Variants in LAMA2 observed in about 807,000 individuals in gnomAD.
The protein encoded by LAMA2 is laminin subunit alpha-2.
Under a neutral mutation model 364.8 loss-of-function variants are expected in LAMA2, and 269 were observed. The observed-to-expected ratio is 0.74, with a 90% CI of 0.67 to 0.82. The LOEUF is 0.82. Ranked by LOEUF, LAMA2 falls within the 40% of genes least tolerant of loss-of-function variation. LAMA2 has a pLI of 0.00. For missense variants in LAMA2, 3,807 were observed against 3,873.2 expected, an observed-to-expected ratio of 0.98 and a Z score of 0.45; for synonymous variants, 1,379 against 1,370.6, an observed-to-expected ratio of 1.01 and a Z score of -0.14.
At chr6:129,212,183 A>T (rs865777239) in intron 12 of LAMA2, among the ~76,000 whole-genome samples, 1 of 152,210 alleles carries the variant, frequency 6.6e-6, no homozygotes, top group African/African-American at 2.4e-5. Flanking sequence ...ATTCTTTTCC[A>T]GCCCTCAAAT....
At chr6:128,969,985 T>TA (rs921313125) in intron 1 of LAMA2, among the ~76,000 whole-genome samples, 1 of 152,158 alleles carries the variant, frequency 6.6e-6, no homozygotes, top group African/African-American at 2.4e-5. Flanking sequence ...GAATCTGGGT[T>TA]AAAATCAGTG....
chr6:129,379,503 A>C (rs988015733), intron 34 of LAMA2, among the ~76,000 whole-genome samples: 4 of 152,084 alleles, frequency 2.6e-5, no homozygotes, highest in Non-Finnish European at 5.9e-5. Flanking sequence ...CGGGAACCTC[A>C]CGTCTCCTCC....
intron 12 of LAMA2, among the ~76,000 whole-genome samples, chr6:129,235,868 C>T (rs1369425378): frequency 6.6e-6 from 1 of 152,116 alleles, no homozygotes; most frequent in East Asian, 1.9e-4. Flanking sequence ...ATGAAATGTG[C>T]AGACTCTGCC....
intron 1 of LAMA2, among the ~76,000 whole-genome samples, chr6:128,953,073 T>A (rs1780931459): frequency 6.6e-6 from 1 of 152,138 alleles, no homozygotes; most frequent in South Asian, 2.1e-4. Context: ...TCTGTTGGCC[T>A]TGCATGGGTG....
At chr6:129,312,734 G>A in intron 22 of LAMA2, 127 bp from the exon 23 acceptor site, 1 of 744,898 alleles carries the variant, frequency 1.3e-6, no homozygotes, top group Non-Finnish European at 2.4e-6. Context: ...AACTAGAATA[G>A]TACAAAGCCT....
chr6:128,933,095 A>T (rs13194404), intron 1 of LAMA2, among the ~76,000 whole-genome samples: 1 of 151,892 alleles, frequency 6.6e-6, no homozygotes, highest in Non-Finnish European at 1.5e-5. Context: ...ATCATACTGT[A>T]TTTGTTTTTC....
intron 29 of LAMA2, among the ~76,000 whole-genome samples, chr6:129,332,775 G>GTAAACCT (rs1775728944): frequency 6.6e-6 from 1 of 151,596 alleles, no homozygotes; most frequent in African/African-American, 2.4e-5. Flanking sequence ...GTCATTATTG[G>GTAAACCT]TAAACCTTAA....
intron 51 of LAMA2, among the ~76,000 whole-genome samples, chr6:129,470,878 G>T (rs537465521): frequency 6.6e-6 from 1 of 151,980 alleles, no homozygotes; most frequent in South Asian, 2.1e-4. Context: ...CTTCAGGAGT[G>T]TTCCCCATCT....
At chr6:129,179,019 C>T (rs1327943340) in intron 10 of LAMA2, among the ~76,000 whole-genome samples, 1 of 152,092 alleles carries the variant, frequency 6.6e-6, no homozygotes, top group African/African-American at 2.4e-5. Flanking sequence ...GTTGCCATGT[C>T]CTGGAATGTA....
chr6:128,934,157 A>G (rs912006718), intron 1 of LAMA2, among the ~76,000 whole-genome samples: 7 of 152,178 alleles, frequency 4.6e-5, no homozygotes, highest in Non-Finnish European at 7.3e-5. Flanking sequence ...TTGCATGTGG[A>G]TATCTAGTTT....
chr6:129,329,530 T>G (rs935467536), intron 29 of LAMA2, among the ~76,000 whole-genome samples: 8 of 152,220 alleles, frequency 5.3e-5, no homozygotes, highest in Admixed American at 5.2e-4. Context: ...CCTGGATATT[T>G]TTTTTATTTT....
chr6:129,078,800 C>G (rs1773831917), intron 3 of LAMA2, among the ~76,000 whole-genome samples: 1 of 152,152 alleles, frequency 6.6e-6, no homozygotes, highest in South Asian at 2.1e-4. Context: ...ACTCCCCATT[C>G]TCTCTCCCCC....
intron 1 of LAMA2, among the ~76,000 whole-genome samples, chr6:128,961,317 TG>T (rs1348410759): frequency 2.3e-5 from 1 of 43,388 alleles, no homozygotes; most frequent in African/African-American, 6.6e-5. Context: ...AGAACTAATA[TG>T]ATATATATAT....
chr6:129,062,094 A>T (rs1788961014), intron 3 of LAMA2, among the ~76,000 whole-genome samples: 1 of 152,194 alleles, frequency 6.6e-6, no homozygotes, highest in East Asian at 1.9e-4. Flanking sequence ...TCAGACTTCC[A>T]ATTTGGCCTC....
intron 17 of LAMA2, among the ~76,000 whole-genome samples, chr6:129,277,642 AC>A (rs1430768866): frequency 6.6e-6 from 1 of 152,196 alleles, no homozygotes. Context: ...TAGATCCCAT[AC>A]TAAATTCTCC....
In LAMA2 at chr6:129,205,493, T is replaced by TATATATATAC. The variant is rs1343472728; in HGVS notation, c.1782+12641_1782+12642insTATATATACA. Among the ~76,000 whole-genome samples, 235 of 104,246 alleles carry TATATATATAC rather than the reference T, an allele frequency of 2.3e-3. 2 individuals are homozygous for TATATATATAC. Among genetic ancestry groups the TATATATATAC allele is most frequent in the African/African-American group, 0.012 (226 of 18,192 alleles). 68.4% of individuals were successfully genotyped at this position (104,246 alleles called of 152,430 possible). A position where few individuals can be genotyped will look rare whatever the true frequency, so the allele number is the denominator to read the frequency against. On this transcript the variant is annotated intron_variant, in intron 12 of 64. Transcript: ENST00000421865. The stretch of plus-strand genomic sequence containing the variant: ...TATTCTGTAAGTATATATATATATA[T>TATATATATAC]ACACACACACACACACACACACACA...
chr6:129,495,907 G>A (rs756037260), intron 58 of LAMA2, among the ~76,000 whole-genome samples: 6 of 150,982 alleles, frequency 4.0e-5, no homozygotes, highest in African/African-American at 1.2e-4. Context: ...TAACTTTTCC[G>A]AAAACAGAGC....
rs761708482 is a variant in LAMA2 at position 129,177,727 on chromosome 6, A to G, written c.1328A>G (p.His443Arg). 2.5e-6 allele frequency: 4 copies of G among 1,613,868 alleles called. No individual in the cohort carries two copies. The highest frequency in any genetic ancestry group is 3.4e-6 in the Non-Finnish European group (4 of 1,179,938). ...ARRGLAPGSC[H>R]CKTGFGGVSC... is the part of the protein sequence containing the mutation. ...TTAGGTTTGGCACCTGGATCCTGTC[A>G]TTGCAAAACTGGTTTTGGAGGTGTG... Residue 443 changes from histidine (H) to arginine (R), a missense_variant, in exon 10 of 65, where the codon CAT becomes CGT. His to Arg is a conservative substitution (Grantham distance 29, BLOSUM62 0). This residue lies in a region of LAMA2 where 3,333 missense variants were observed against 3,345.7 expected (regional missense o/e 1.00). Transcript: ENST00000421865.
chr6:129,030,474 C>T (rs1406888660), intron 1 of LAMA2, among the ~76,000 whole-genome samples: 1 of 152,132 alleles, frequency 6.6e-6, no homozygotes, highest in Non-Finnish European at 1.5e-5. Context: ...TTTAGCAAAT[C>T]ACCCATCATT....
Sources: gnomAD v4.1 joint callset for allele counts (sites outside exome capture counted in the v4.1 genomes callset) on GRCh38, gnomAD v4.1.1 for gene constraint, gnomAD v4.1.1 regional missense constraint, MANE v1.5 for transcripts, NCBI Gene and HGNC (gene_info 2026-07-23, HGNC 2026-07-21) for gene names.